Variants in FOXN3 observed in about 807,000 individuals in gnomAD.
FOXN3 encodes forkhead box N3.
FOXN3 carries 7 observed loss-of-function variants against 38.4 expected under a neutral mutation model. The ratio of observed to expected loss-of-function variants is 0.18; its 90% CI spans 0.10 to 0.34. FOXN3 has a LOEUF of 0.34. FOXN3 is among the 10% of genes least tolerant of loss of function. FOXN3 has a pLI of 1.00. For missense variants in FOXN3, 456 were observed against 613.4 expected (o/e 0.74, Z 2.71); for synonymous variants, 230 against 242.2 (o/e 0.95, Z 0.47).
chr14:89,272,144 T>C (rs1224317656), intron 4 of FOXN3, among the ~76,000 whole-genome samples: 1 of 152,012 alleles, frequency 6.6e-6, no homozygotes, highest in Admixed American at 6.6e-5. Flanking sequence ...ACCCCGTCTC[T>C]ACTAAAAATA....
intron 1 of FOXN3, among the ~76,000 whole-genome samples, chr14:89,468,073 TTA>T (rs140475604): frequency 0.014 from 2,191 of 151,470 alleles, 46 homozygotes; most frequent in African/African-American, 0.05. Flanking sequence ...CATAATTTGA[TTA>T]TTTTTTTTTT....
chr14:89,572,994 G>A (rs962965688), intron 1 of FOXN3, among the ~76,000 whole-genome samples: 1 of 152,206 alleles, frequency 6.6e-6, no homozygotes, highest in Non-Finnish European at 1.5e-5. Context: ...AACCACAAAG[G>A]TGGTCCTGTT....
chr14:89,488,446 A>G (rs1429520221), intron 1 of FOXN3, among the ~76,000 whole-genome samples: 2 of 151,854 alleles, frequency 1.3e-5, no homozygotes, highest in Admixed American at 1.3e-4. Context: ...AGGAGTTCAA[A>G]ACCAGCCTGG....
chr14:89,481,182 C>G (rs1256259270), intron 1 of FOXN3, among the ~76,000 whole-genome samples: 1 of 150,976 alleles, frequency 6.6e-6, no homozygotes, highest in Non-Finnish European at 1.5e-5. Context: ...TGTTTGGATT[C>G]TCTGCACAGC....
intron 1 of FOXN3, among the ~76,000 whole-genome samples, chr14:89,568,806 C>A (rs1394306100): frequency 6.6e-6 from 1 of 152,202 alleles, no homozygotes; most frequent in Non-Finnish European, 1.5e-5. Flanking sequence ...CAAAAAAAGT[C>A]TATGTGACAG....
upstream of FOXN3, chr14:89,417,874 AC>A: frequency 2.4e-6 from 1 of 410,820 alleles, no homozygotes; most frequent in Non-Finnish European, 5.0e-6. Context: ...GACAAGAGGC[AC>A]CGTCCTAAAG....
chr14:89,555,066 C>CA (rs568691956), intron 1 of FOXN3, among the ~76,000 whole-genome samples: 2 of 152,122 alleles, frequency 1.3e-5, no homozygotes, highest in Non-Finnish European at 2.9e-5. Context: ...GCTGGGATTA[C>CA]AGGCATAAGC....
At chr14:89,193,117 C>G (rs1888004913) in intron 4 of FOXN3, among the ~76,000 whole-genome samples, 1 of 152,018 alleles carries the variant, frequency 6.6e-6, no homozygotes, top group Non-Finnish European at 1.5e-5. Flanking sequence ...AGCAAAAGGT[C>G]TCTGCCATTA....
chr14:89,376,430 T>C (rs954934321), intron 2 of FOXN3, among the ~76,000 whole-genome samples: 3 of 152,202 alleles, frequency 2.0e-5, no homozygotes, highest in East Asian at 1.9e-4. Context: ...TTTGTAAAAA[T>C]TGGTCATTAT....
chr14:89,558,143 A>G (rs902029973), intron 1 of FOXN3, among the ~76,000 whole-genome samples: 1 of 152,204 alleles, frequency 6.6e-6, no homozygotes, highest in Admixed American at 6.5e-5. Context: ...AAAATTCACA[A>G]TGTGTACTTA....
intron 2 of FOXN3, among the ~76,000 whole-genome samples, chr14:89,393,166 C>T (rs1018519586): frequency 3.2e-4 from 48 of 152,038 alleles, no homozygotes; most frequent in African/African-American, 1.1e-3. Flanking sequence ...GTCTCGAACT[C>T]CTGACCTCAG....
chr14:89,225,520 C>T (rs184891230), intron 4 of FOXN3, among the ~76,000 whole-genome samples: 78 of 152,152 alleles, frequency 5.1e-4, no homozygotes, highest in Non-Finnish European at 1.5e-5. Flanking sequence ...AGGAGAATGG[C>T]GTGAACCCAG....
chr14:89,510,911 CCAGCCTGGGTGA>C (rs1177371681), intron 1 of FOXN3, among the ~76,000 whole-genome samples: 2 of 152,088 alleles, frequency 1.3e-5, no homozygotes, highest in Non-Finnish European at 2.9e-5. Context: ...CCACTGCACT[CCAGCCTGGGTGA>C]CAGAGTGAGA....
At position 89,159,581 on chromosome 14, in the gene FOXN3, A is replaced by C. The variant is rs893657059; in HGVS notation, c.*2833T>G. The C allele has an allele frequency of 6.6e-6, 1 of 152,450 alleles. No individual in the cohort carries two copies. Among genetic ancestry groups the C allele is most frequent in the African/African-American group, 2.4e-5 (1 of 41,468 alleles). The allele number at this position is 152,450 out of a possible 1,614,324, so 9.4% of individuals were successfully genotyped here. On this transcript the variant is annotated 3_prime_UTR_variant, in exon 6 of 6. Transcript: ENST00000557258. ...TCTGCCCCTTTAGAAAAATGAAATGAGGGGAGACAGCCCACGGTGGGGGTT... is the reference window on the plus strand; with the variant it reads ...TCTGCCCCTTTAGAAAAATGAAATGCGGGGAGACAGCCCACGGTGGGGGTT...
At chr14:89,288,632 G>A (rs934669291) in intron 3 of FOXN3, among the ~76,000 whole-genome samples, 2 of 121,022 alleles carry the variant, frequency 1.7e-5, no homozygotes, top group Non-Finnish European at 3.4e-5. Context: ...TTTAAAAATG[G>A]AAACGACATA....
Position 89,412,010 on chromosome 14 carries a change from G to T in FOXN3, c.467C>A (p.Thr156Asn). The change falls in exon 2 of 6, where the codon ACT (threonine) becomes AAT (asparagine). Residue 156 changes from threonine to asparagine, a missense_variant. Thr to Asn is a moderately conservative substitution (Grantham distance 65). Transcript: ENST00000557258. This position sits in a 1 kb window ranked among gnomAD's most constrained non-coding sequence, Gnocchi z 4.7. ...GTGTCTCACTGAGTTTTTCCACCCA[G>T]TAGGTGCATTTGCAAAATACGGAAA... ...EHFPYFANAPTGWKNSVRHNL... is the reference protein window; with the variant it reads ...EHFPYFANAPNGWKNSVRHNL... 1 of 1,610,138 alleles carries T rather than the reference G, an allele frequency of 6.2e-7. No homozygotes were observed. The highest frequency in any genetic ancestry group is 8.5e-7 in the Non-Finnish European group (1 of 1,178,110).
At chr14:89,425,667 T>C (rs1179095400) in intron 1 of FOXN3, among the ~76,000 whole-genome samples, 5 of 152,202 alleles carry the variant, frequency 3.3e-5, no homozygotes, top group Admixed American at 6.5e-5. Flanking sequence ...GCCCAGCCTA[T>C]AGCTGATTAT....
chr14:89,435,281 A>G (rs989657863), intron 1 of FOXN3, among the ~76,000 whole-genome samples: 3 of 151,594 alleles, frequency 2.0e-5, no homozygotes, highest in Admixed American at 2.0e-4. Flanking sequence ...CTGAAGCAGG[A>G]GGATCACTAG....
chr14:89,395,525 G>A (rs1431393962), intron 2 of FOXN3, among the ~76,000 whole-genome samples: 3 of 152,060 alleles, frequency 2.0e-5, no homozygotes, highest in Admixed American at 2.0e-4. Context: ...TCATATGCCT[G>A]ACATACACGA....
Sources: gnomAD v4.1 joint callset for allele counts (sites outside exome capture counted in the v4.1 genomes callset) on GRCh38, gnomAD v4.1.1 for gene constraint, Gnocchi (gnomAD v3.1) non-coding constraint, MANE v1.5 for transcripts, NCBI Gene and HGNC (gene_info 2026-07-23, HGNC 2026-07-21) for gene names.